KCNQ1: variants seen among roughly 807,000 people sequenced by gnomAD.
The protein encoded by KCNQ1 is potassium voltage-gated channel subfamily Q member 1.
Under a neutral mutation model 72.4 loss-of-function variants are expected in KCNQ1, and 49 were observed. That is an observed-to-expected ratio of 0.68 (90% CI 0.54 to 0.86). KCNQ1 has a LOEUF of 0.86. KCNQ1 is among the 40% of genes least tolerant of loss of function. KCNQ1 has a pLI of 0.00. For synonymous variants in KCNQ1, 450 were observed against 412.6 expected (o/e 1.09, Z -1.10); for missense variants, 790 against 945.1 (o/e 0.84, Z 2.15).
intron 15 of KCNQ1, among the ~76,000 whole-genome samples, chr11:2,779,492 G>A (rs1846778714): frequency 6.6e-6 from 1 of 152,138 alleles, no homozygotes; most frequent in Non-Finnish European, 1.5e-5. Flanking sequence ...GGCGGGGCGT[G>A]AACATCCCTG....
In KCNQ1 at chr11:2,803,165, C is replaced by CCGCA. The variant is rs796384385; in HGVS notation, c.1794+25128_1794+25129insCGCA. On this transcript the variant is annotated intron_variant, in intron 15 of 15. Coordinates refer to ENST00000155840, the MANE Select transcript of KCNQ1 (RefSeq NM_000218.3). The surrounding 1 kb of genome is among the most constrained non-coding windows in gnomAD (Gnocchi z 6.4). Reference sequence around the variant, plus strand: ...GAAAACCCAGCCGGGCCCCCCCCCCCACGGGCACCCAGGAACCGCCCTGGC... The same window carrying CCGCA: ...GAAAACCCAGCCGGGCCCCCCCCCCCCGCAACGGGCACCCAGGAACCGCCCTGGC... 1.3e-4 allele frequency among the ~76,000 whole-genome samples: 20 copies of CCGCA among 152,044 alleles called. No individual in the cohort carries two copies. The highest frequency in any genetic ancestry group is 4.1e-4 in the African/African-American group (17 of 41,328).
At chr11:2,807,423 G>A (rs533229448) in intron 15 of KCNQ1, among the ~76,000 whole-genome samples, 9 of 152,318 alleles carry the variant, frequency 5.9e-5, no homozygotes, top group South Asian at 4.1e-4. Flanking sequence ...TGTGCCGCCC[G>A]CGGTCGCTGC....
In KCNQ1 at chr11:2,550,613, G is replaced by T. The variant is rs1224200134; in HGVS notation, c.478-20015G>T. ...CGTGAGCTGAGTGACCGGAAGAGGG[G>T]GCGCCTCCCTGAGCAGGTGAATGAA... On this transcript the variant is annotated intron_variant, in intron 2 of 15. Transcript: ENST00000155840. This position sits in a 1 kb window ranked among gnomAD's most constrained non-coding sequence, Gnocchi z 6.0. Among the ~76,000 whole-genome samples, 2 of 152,202 alleles carry T rather than the reference G, an allele frequency of 1.3e-5. No homozygotes were observed. Among genetic ancestry groups the T allele is most frequent in the Non-Finnish European group, 2.9e-5 (2 of 68,030 alleles).
chr11:2,455,315 GTCT>G (rs369135863), intron 1 of KCNQ1, among the ~76,000 whole-genome samples: 3,890 of 152,190 alleles, frequency 0.026, 152 homozygotes, highest in African/African-American at 0.085. Flanking sequence ...AGCCAGGATG[GTCT>G]TGATCTCCTG....
intron 1 of KCNQ1, chr11:2,461,677 G>T (rs777019472): frequency 7.3e-7 from 1 of 1,367,058 alleles, no homozygotes; most frequent in Non-Finnish European, 9.8e-7. Context: ...CTGGGAAAGA[G>T]CCTGTGCTTC....
chr11:2,810,632 A>G lies in KCNQ1; in HGVS notation c.1794+32595A>G, dbSNP rs142100580. Among the ~76,000 whole-genome samples, 58 of 152,264 alleles carry G rather than the reference A, an allele frequency of 3.8e-4. 1 individual carries two copies. The East Asian group carries it at 0.011, about 29-fold the overall frequency. On this transcript the variant is annotated intron_variant, in intron 15 of 15. Coordinates refer to ENST00000155840, the MANE Select transcript of KCNQ1 (RefSeq NM_000218.3). ...TCTGGAGACTCCAGATACATCTTAT[A>G]TCTTAAGTTCTGCTTAATTCCTTGA...
intron 11 of KCNQ1, chr11:2,666,558 G>A (rs1850071895): frequency 5.0e-6 from 2 of 398,528 alleles, no homozygotes; most frequent in Admixed American, 4.4e-5. Flanking sequence ...CCTGAATTCT[G>A]CATTTGTCAG....
At chr11:2,467,525 C>T (rs1846369427) in intron 1 of KCNQ1, among the ~76,000 whole-genome samples, 2 of 152,176 alleles carry the variant, frequency 1.3e-5, no homozygotes, top group South Asian at 4.1e-4. Flanking sequence ...TTTTGTATCT[C>T]TGCTGAGAAC....
rs1350692370 is a variant in KCNQ1 at position 2,593,521 on chromosome 11, T to TGTCA, written c.1393+4668_1393+4671dup. ...GCGTCTTCAAAGCTGTGCCTGTGTG[T>TGTCA]GTCACCACGTGTTTGCCAGGTGACC... On this transcript the variant is annotated intron_variant, in intron 10 of 15. Transcript: ENST00000155840. The surrounding 1 kb of genome is among the most constrained non-coding windows in gnomAD (Gnocchi z 6.9). 2.0e-5 allele frequency among the ~76,000 whole-genome samples: 3 copies of TGTCA among 152,234 alleles called. No homozygotes were observed. Among genetic ancestry groups the TGTCA allele is most frequent in the African/African-American group, 7.2e-5 (3 of 41,452 alleles).
intron 11 of KCNQ1, chr11:2,689,783 G>A (rs894064244): frequency 7.5e-5 from 30 of 398,714 alleles, no homozygotes; most frequent in African/African-American, 5.9e-4. Flanking sequence ...CAGCCTAGGA[G>A]GGGAGGGGAA....
In KCNQ1 at chr11:2,782,831, C is replaced by T. The variant is rs954853800; in HGVS notation, c.1794+4794C>T. ...ACTGTTTTCCCCCTTAGTGGTCAAACTTGACACTATTCCCCTGTCTTATTA... is the reference window on the plus strand; with the variant it reads ...ACTGTTTTCCCCCTTAGTGGTCAAATTTGACACTATTCCCCTGTCTTATTA... On this transcript the variant is annotated intron_variant, in intron 15 of 15. Coordinates refer to ENST00000155840, the MANE Select transcript of KCNQ1 (RefSeq NM_000218.3). The surrounding 1 kb of genome is among the most constrained non-coding windows in gnomAD (Gnocchi z 6.1). Among the ~76,000 whole-genome samples the T allele has an allele frequency of 3.9e-5, 6 of 152,150 alleles. No homozygotes were observed. The highest frequency in any genetic ancestry group is 6.5e-5 in the Admixed American group (1 of 15,278).
chr11:2,457,055 T>A lies in KCNQ1; in HGVS notation c.386+11571T>A, dbSNP rs1335738277. On this transcript the variant is annotated intron_variant, in intron 1 of 15. Coordinates refer to ENST00000155840, the MANE Select transcript of KCNQ1 (RefSeq NM_000218.3). The surrounding 1 kb of genome is among the most constrained non-coding windows in gnomAD (Gnocchi z 5.0). ...AGTCAAACACATGAAAAAATGCTCA[T>A]CACTGATCATCAGAGAAATGCAAAT... is the stretch of plus-strand genomic sequence containing the variant. Among the ~76,000 whole-genome samples, 1 of 151,614 alleles carries A rather than the reference T, an allele frequency of 6.6e-6. No individual in the cohort carries two copies. Among genetic ancestry groups the A allele is most frequent in the Non-Finnish European group, 1.5e-5 (1 of 67,964 alleles).
At chr11:2,770,624 C>T (rs1846578650) in intron 12 of KCNQ1, among the ~76,000 whole-genome samples, 3 of 152,256 alleles carry the variant, frequency 2.0e-5, no homozygotes, top group African/African-American at 7.2e-5. Context: ...GTCAAAGCTC[C>T]CAGCAGTGCC....
rs1399003465 is a variant in KCNQ1, at chr11:2,549,494, C to T, written c.478-21134C>T. Among the ~76,000 whole-genome samples, 1 of 152,176 alleles carries T rather than the reference C, an allele frequency of 6.6e-6. No individual in the cohort carries two copies. The highest frequency in any genetic ancestry group is 2.1e-4 in the South Asian group (1 of 4,832). The stretch of plus-strand genomic sequence containing the variant: ...GACATGGGGCCCTCGAGGAGGGTCC[C>T]CCGGGGGCTGCAAAAGCAGAGGGAG... On this transcript the variant is annotated intron_variant, in intron 2 of 15. Coordinates refer to ENST00000155840, the MANE Select transcript of KCNQ1 (RefSeq NM_000218.3). The surrounding 1 kb of genome is among the most constrained non-coding windows in gnomAD (Gnocchi z 6.2).
intron 11 of KCNQ1, among the ~76,000 whole-genome samples, chr11:2,765,057 G>C (rs1407180404): frequency 6.6e-6 from 1 of 152,116 alleles, no homozygotes; most frequent in African/African-American, 2.4e-5. Context: ...ATGGTAATTT[G>C]CCATTTTTTT....
At chr11:2,847,710 T>C (rs1441313608) in intron 15 of KCNQ1, 57 bp from the exon 16 acceptor site, 3 of 1,504,388 alleles carry the variant, frequency 2.0e-6, no homozygotes, top group Non-Finnish European at 2.7e-6. Context: ...CCTGAGGCTG[T>C]CTGCACACCT....
intron 10 of KCNQ1, chr11:2,644,098 A>G (rs1354228507): frequency 2.5e-6 from 1 of 398,538 alleles, no homozygotes; most frequent in African/African-American, 2.1e-5. Flanking sequence ...AATTGTATCT[A>G]TTTAGGGTTC....
chr11:2,586,940 G>A lies in KCNQ1; in HGVS notation c.1129-630G>A, dbSNP rs923474137. Reference sequence around the variant, plus strand: ...CTGCTCCCCCGCCGGGTCCCCTGCCGATAGTGTCCCCTCCTCCCACCCTTC... The same window carrying A: ...CTGCTCCCCCGCCGGGTCCCCTGCCAATAGTGTCCCCTCCTCCCACCCTTC... On this transcript the variant is annotated intron_variant, in intron 8 of 15. Coordinates refer to ENST00000155840, the MANE Select transcript of KCNQ1 (RefSeq NM_000218.3). Among the ~76,000 whole-genome samples, 10 of 151,874 alleles carry A rather than the reference G, an allele frequency of 6.6e-5. No individual in the cohort carries two copies. In the East Asian group the frequency reaches 9.8e-4, roughly 15 times the overall value.
chr11:2,806,331 A>G (rs982146297), intron 15 of KCNQ1, among the ~76,000 whole-genome samples: 29 of 152,204 alleles, frequency 1.9e-4, no homozygotes, highest in Non-Finnish European at 3.5e-4. Context: ...GGAGGTACGC[A>G]GGGAGGCAGC....
Sources: gnomAD v4.1 joint callset for allele counts (sites outside exome capture counted in the v4.1 genomes callset) on GRCh38, gnomAD v4.1.1 for gene constraint, Gnocchi (gnomAD v3.1) non-coding constraint, MANE v1.5 for transcripts, NCBI Gene and HGNC (gene_info 2026-07-23, HGNC 2026-07-21) for gene names.